Variants in TNS1 observed in about 807,000 individuals in gnomAD.
TNS1 encodes tensin-1.
Under a neutral mutation model 168.6 loss-of-function variants are expected in TNS1, and 62 were observed. The observed-to-expected ratio is 0.37, with a 90% CI of 0.30 to 0.45. TNS1 has a LOEUF of 0.45. Among genes scored for constraint, TNS1 ranks in the 20% least tolerant of loss-of-function variants. The pLI, the probability that TNS1 is intolerant of heterozygous loss-of-function variation, is 1.00. For synonymous variants in TNS1, 934 were observed against 933.2 expected (o/e 1.00, Z -0.02); for missense variants, 2,240 against 2,339.4 (o/e 0.96, Z 0.88).
intron 19 of TNS1, among the ~76,000 whole-genome samples, chr2:217,847,287 G>A (rs1180127067): frequency 1.3e-5 from 2 of 152,178 alleles, no homozygotes; most frequent in African/African-American, 4.8e-5. Flanking sequence ...ATTTCTTGAG[G>A]GCAGGAATTG....
intron 3 of TNS1, chr2:217,944,083 C>G (rs577487353): frequency 6.6e-6 from 1 of 152,420 alleles, no homozygotes. Context: ...GCAGAGGGCT[C>G]TGCTAGTCGG....
At chr2:217,838,358 G>A (rs937419970) in intron 19 of TNS1, among the ~76,000 whole-genome samples, 1 of 152,220 alleles carries the variant, frequency 6.6e-6, no homozygotes, top group Non-Finnish European at 1.5e-5. Context: ...GCAGCTTGGG[G>A]TGCAGGGGGC....
At chr2:217,824,024 T>C (rs1943258352) in intron 22 of TNS1, among the ~76,000 whole-genome samples, 1 of 152,212 alleles carries the variant, frequency 6.6e-6, no homozygotes, top group African/African-American at 2.4e-5. Flanking sequence ...CAGTACACTT[T>C]TTTGTAAAGA....
rs369268825 is a variant in TNS1, at chr2:217,848,248, C to G, written c.2269G>C (p.Ala757Pro). 132 of 1,556,318 alleles carry G rather than the reference C, an allele frequency of 8.5e-5. No homozygotes were observed. The highest frequency in any genetic ancestry group is 1.0e-4 in the Non-Finnish European group (120 of 1,151,280). Residue 757 changes from alanine to proline, a missense_variant, in exon 19 of 33, where the codon GCT becomes CCT. By Grantham distance (27) the Ala-to-Pro change is conservative (BLOSUM62 -1). Transcript: ENST00000682258. ...CGGCTGCTTCCCCCTCGGACCGGAGCTGGGGGCAGCTGGGGTTCAGCTTCC... is the reference window on the plus strand; with the variant it reads ...CGGCTGCTTCCCCCTCGGACCGGAGGTGGGGGCAGCTGGGGTTCAGCTTCC... ...FSEAEPQLPP[A>P]PVRGGSSREA... is the part of the protein sequence containing the mutation.
intron 18 of TNS1, among the ~76,000 whole-genome samples, chr2:217,873,513 T>G: frequency 6.6e-6 from 1 of 152,154 alleles, no homozygotes; most frequent in Non-Finnish European, 1.5e-5. Context: ...AACCCGGGTC[T>G]TTGCGGGGGC....
intron 3 of TNS1, among the ~76,000 whole-genome samples, chr2:217,937,588 T>C (rs1374720890): frequency 1.3e-5 from 2 of 151,960 alleles, no homozygotes; most frequent in African/African-American, 4.8e-5. Flanking sequence ...ACTGCCAGAG[T>C]TGGGGGCAGG....
chr2:217,826,866 C>T (rs531990849), intron 22 of TNS1, among the ~76,000 whole-genome samples: 13 of 152,254 alleles, frequency 8.5e-5, no homozygotes, highest in Non-Finnish European at 1.8e-4. Context: ...ACTGTCAGCT[C>T]CTTGTCCACA....
At chr2:217,940,719 C>G (rs1360360443) in intron 3 of TNS1, among the ~76,000 whole-genome samples, 4 of 152,130 alleles carry the variant, frequency 2.6e-5, no homozygotes, top group Non-Finnish European at 5.9e-5. Flanking sequence ...GTCACCCTCT[C>G]TGGTCAGGAG....
At chr2:218,012,942 C>T (rs1958719052), upstream of TNS1, among the ~76,000 whole-genome samples, 1 of 152,046 alleles carries the variant, frequency 6.6e-6, no homozygotes, top group Non-Finnish European at 1.5e-5. Flanking sequence ...CCTCAAAACA[C>T]TCAAAGCATC....
In TNS1 at chr2:217,835,078, A is replaced by T. The variant is rs755339802; in HGVS notation, c.3280+13T>A. ...GGTACACAGGGAAGACGAGCTTCAC[A>T]GGGAATTCTTACCCCCACTGGGTGG... On this transcript the variant is annotated intron_variant, in intron 21 of 32. Coordinates refer to ENST00000682258, the MANE Select transcript of TNS1 (RefSeq NM_001387777.1). 2.5e-5 allele frequency: 39 copies of T among 1,561,344 alleles called. No individual in the cohort carries two copies. The Admixed American group carries it at 8.3e-4, about 33-fold the overall frequency.
intron 9 of TNS1, among the ~76,000 whole-genome samples, chr2:217,894,023 G>A (rs1952017325): frequency 6.6e-6 from 1 of 152,180 alleles, no homozygotes; most frequent in Non-Finnish European, 1.5e-5. Flanking sequence ...GCAAAAGGCT[G>A]CCTGATGTTC....
In TNS1 at chr2:217,848,483, C is replaced by G; in HGVS notation, c.2034G>C (p.Met678Ile). 1 of 1,613,360 alleles carries G rather than the reference C, an allele frequency of 6.2e-7. No homozygotes were observed. The highest frequency in any genetic ancestry group is 8.5e-7 in the Non-Finnish European group (1 of 1,179,472). Reference protein sequence around the residue: ...GLDKSYPMEPMVNGGGYPYES... With the variant: ...GLDKSYPMEPIVNGGGYPYES... The stretch of plus-strand genomic sequence containing the variant: ...CGTAGGGGTAGCCTCCTCCATTGAC[C>G]ATAGGCTCCATGGGGTAGGACTTGT... The change falls in exon 19 of 33, where the codon ATG becomes ATC. Residue 678 changes from methionine to isoleucine, a missense_variant. By Grantham distance (10) the Met-to-Ile change is conservative. Coordinates refer to ENST00000682258, the MANE Select transcript of TNS1 (RefSeq NM_001387777.1).
intron 1 of TNS1, among the ~76,000 whole-genome samples, chr2:217,994,269 G>T (rs1405421515): frequency 2.6e-5 from 4 of 152,086 alleles, no homozygotes; most frequent in Admixed American, 6.6e-5. Context: ...GGACTTGGGG[G>T]ACTTCCCTTA....
chr2:217,848,026 C>T lies in TNS1; in HGVS notation c.2491G>A (p.Glu831Lys). 6.6e-7 allele frequency: 1 copy of T among 1,524,354 alleles called. No individual in the cohort carries two copies. The highest frequency in any genetic ancestry group is 8.8e-7 in the Non-Finnish European group (1 of 1,135,724). 94.4% of individuals were successfully genotyped at this position (1,524,354 alleles called of 1,614,324 possible). ...ATATTGAGTGTTTCGATGGACTGTT[C>T]AATCTCCTGCTGGGAGGCTGCTCGC... ...FPRAASQQEI[E>K]QSIETLNMLM... The change falls in exon 19 of 33, where the codon GAA becomes AAA. Residue 831 changes from glutamate (E) to lysine (K), a missense_variant. By Grantham distance (56) the Glu-to-Lys change is moderately conservative (BLOSUM62 1). This residue lies in a region of TNS1 where 2,131 missense variants were observed against 2,171.2 expected (regional missense o/e 0.98). Transcript: ENST00000682258.
At chr2:217,906,265 T>TCCCCCCCCCCC in intron 6 of TNS1, 70 bp downstream of exon 6, 1 of 596,274 alleles carries the variant, frequency 1.7e-6, no homozygotes, top group Non-Finnish European at 3.1e-6. Context: ...ATTATCCACC[T>TCCCCCCCCCCC]CCCACCCCAC....
In TNS1 at chr2:218,032,790, C is replaced by T. The variant is rs1473807939; in HGVS notation, c.156+1030G>A. 1.3e-5 allele frequency among the ~76,000 whole-genome samples: 2 copies of T among 152,140 alleles called. No homozygotes were observed. The highest frequency in any genetic ancestry group is 4.8e-5 in the African/African-American group (2 of 41,422). ...ACAGCAGCTGGGATGGAGCTTGATCCCCACAGACAGAGGAGGGAGGGAGTC... is the reference window on the plus strand; with the variant it reads ...ACAGCAGCTGGGATGGAGCTTGATCTCCACAGACAGAGGAGGGAGGGAGTC... On this transcript the variant is annotated intron_variant, in intron 1 of 1. Transcript: ENST00000649572. The surrounding 1 kb of genome is among the most constrained non-coding windows in gnomAD (Gnocchi z 4.0).
intron 3 of TNS1, among the ~76,000 whole-genome samples, chr2:217,932,025 A>G (rs1390479639): frequency 6.6e-6 from 1 of 152,204 alleles, no homozygotes; most frequent in African/African-American, 2.4e-5. Context: ...TAGGAAAAAC[A>G]TCCCACATCC....
At position 217,948,962 on chromosome 2, in the gene TNS1, C is replaced by T. The variant is rs960399285; in HGVS notation, c.187-28726G>A. On this transcript the variant is annotated intron_variant, in intron 3 of 32. Transcript: ENST00000682258. The surrounding 1 kb of genome is among the most constrained non-coding windows in gnomAD (Gnocchi z 4.1). The stretch of plus-strand genomic sequence containing the variant: ...TCAGATTTGTACCATAGTGTCAGGG[C>T]AGAGGATGGAAAGGGAAGGAGAGTC... Among the ~76,000 whole-genome samples, 1 of 152,172 alleles carries T rather than the reference C, an allele frequency of 6.6e-6. No homozygotes were observed. The highest frequency in any genetic ancestry group is 2.4e-5 in the African/African-American group (1 of 41,432).
chr2:217,948,365 G>A lies in TNS1; in HGVS notation c.187-28129C>T, dbSNP rs190281292. Reference sequence around the variant, plus strand: ...GAAGGGCCACATGCCCAGGTCCCAAGGGGAGAGGCCACTGGGGCACCGCTC... The same window carrying A: ...GAAGGGCCACATGCCCAGGTCCCAAAGGGAGAGGCCACTGGGGCACCGCTC... On this transcript the variant is annotated intron_variant, in intron 3 of 32. Coordinates refer to ENST00000682258, the MANE Select transcript of TNS1 (RefSeq NM_001387777.1). This position sits in a 1 kb window ranked among gnomAD's most constrained non-coding sequence, Gnocchi z 4.1. Among the ~76,000 whole-genome samples, 425 of 152,296 alleles carry A rather than the reference G, an allele frequency of 2.8e-3. 1 individual carries two copies. The highest frequency in any genetic ancestry group is 9.8e-3 in the African/African-American group (408 of 41,562).
Sources: allele counts gnomAD v4.1 joint callset (sites outside exome capture counted in the v4.1 genomes callset), GRCh38; gene constraint gnomAD v4.1.1; regional missense constraint gnomAD v4.1.1; non-coding constraint Gnocchi (gnomAD v3.1); transcripts MANE v1.5; gene names NCBI Gene and HGNC (gene_info 2026-07-23, HGNC 2026-07-21).